The following GPM6A variants were observed in gnomAD, a reference collection of about 807,000 sequenced individuals.
GPM6A encodes the protein neuronal membrane glycoprotein M6-a.
A neutral mutation model predicts 32.1 loss-of-function variants in GPM6A; 7 were observed. The ratio of observed to expected loss-of-function variants is 0.22; its 90% CI spans 0.12 to 0.41. The LOEUF is 0.41. Among genes scored for constraint, GPM6A ranks in the 10% least tolerant of loss-of-function variants. The pLI is 1.00. For missense variants in GPM6A, 235 were observed against 347.2 expected (o/e 0.68, Z 2.57); for synonymous variants, 130 against 123.4 (o/e 1.05, Z -0.35).
intron 1 of GPM6A, among the ~76,000 whole-genome samples, chr4:175,751,983 A>C (rs190069866): frequency 2.0e-5 from 3 of 152,236 alleles, no homozygotes. Context: ...AACAGGAGTC[A>C]ATTGATGTTA....
intron 1 of GPM6A, among the ~76,000 whole-genome samples, chr4:175,980,116 T>A (rs1234442977): frequency 1.3e-5 from 2 of 152,170 alleles, no homozygotes; most frequent in Non-Finnish European, 2.9e-5. Flanking sequence ...AAGCAGCAGT[T>A]TGGGGGGCTC....
At chr4:175,847,386 T>C (rs572112199) in intron 1 of GPM6A, among the ~76,000 whole-genome samples, 1 of 152,304 alleles carries the variant, frequency 6.6e-6, no homozygotes, top group South Asian at 2.1e-4. Flanking sequence ...TCATAAGTTT[T>C]AAATCGTGCT....
At chr4:175,794,839 A>G (rs1734155082) in intron 1 of GPM6A, among the ~76,000 whole-genome samples, 1 of 2,256 alleles carries the variant, frequency 4.4e-4, no homozygotes. Flanking sequence ...GCTTTGGGCC[A>G]TATTATAAGG....
chr4:175,699,339 T>C (rs959501550), intron 2 of GPM6A, among the ~76,000 whole-genome samples: 1 of 152,198 alleles, frequency 6.6e-6, no homozygotes, highest in Non-Finnish European at 1.5e-5. Flanking sequence ...AAGGCATTGA[T>C]AGCTATTGAA....
chr4:175,813,983 GAGAGA>G (rs911321904), upstream of GPM6A, among the ~76,000 whole-genome samples: 1 of 135,426 alleles, frequency 7.4e-6, no homozygotes, highest in African/African-American at 3.8e-5. Context: ...CACAGATTGA[GAGAGA>G]GAAACCATAA....
Position 175,842,594 on chromosome 4 carries a change from A to T in GPM6A, c.-22-30345T>A, listed in dbSNP as rs1579559767. Among the ~76,000 whole-genome samples the T allele has an allele frequency of 2.0e-5, 3 of 152,050 alleles. No individual in the cohort carries two copies. In the South Asian group the frequency reaches 6.2e-4, roughly 31 times the overall value. ...AAATTAGCTGAACATGGTGACACAC[A>T]CCTCCAGCCACCCTGAAGGCTGAGC... On this transcript the variant is annotated intron_variant, in intron 1 of 7. Coordinates refer to the GPM6A transcript ENST00000280187.
intron 3 of GPM6A, among the ~76,000 whole-genome samples, chr4:175,671,636 G>T (rs1743075452): frequency 6.6e-6 from 1 of 152,136 alleles, no homozygotes; most frequent in Non-Finnish European, 1.5e-5. Context: ...AGGAATGGTT[G>T]GCAGAGGGGA....
chr4:175,842,733 A>C (rs990556938), intron 1 of GPM6A, among the ~76,000 whole-genome samples: 4 of 152,154 alleles, frequency 2.6e-5, no homozygotes, highest in African/African-American at 9.6e-5. Context: ...GAATAAACAT[A>C]GTTCTTTACA....
chr4:175,871,336 A>T (rs1199684948), intron 1 of GPM6A, among the ~76,000 whole-genome samples: 1 of 151,954 alleles, frequency 6.6e-6, no homozygotes, highest in Non-Finnish European at 1.5e-5. Flanking sequence ...CGGATGTGGT[A>T]GTGGATGCCT....
chr4:175,931,705 CACACATAT>C (rs1353665304), intron 1 of GPM6A, among the ~76,000 whole-genome samples: 3 of 139,248 alleles, frequency 2.2e-5, no homozygotes, highest in East Asian at 4.3e-4. Context: ...CACACACACA[CACACATAT>C]ATATATATAT....
chr4:175,721,057 C>T (rs1746099608), intron 1 of GPM6A, among the ~76,000 whole-genome samples: 4 of 126,670 alleles, frequency 3.2e-5, no homozygotes, highest in Admixed American at 8.5e-5. Context: ...TATATATGTA[C>T]TAGTATATAT....
intron 1 of GPM6A, among the ~76,000 whole-genome samples, chr4:175,713,904 C>T (rs1745691404): frequency 1.3e-5 from 2 of 152,110 alleles, no homozygotes; most frequent in Non-Finnish European, 2.9e-5. Flanking sequence ...TATCTTTTCT[C>T]TCCAATTTCC....
intron 1 of GPM6A, among the ~76,000 whole-genome samples, chr4:175,734,155 TATA>T (rs371207102): frequency 0.22 from 30,652 of 136,710 alleles, 3,400 homozygotes; most frequent in East Asian, 0.37. Flanking sequence ...TATATATATA[TATA>T]TATTTTTTAA....
At position 175,984,459 on chromosome 4, in the gene GPM6A, A is replaced by G. The variant is rs536266634; in HGVS notation, c.-23+17850T>C. ...ATAACAGGCATGAGCCACCGCGCCC[A>G]GCCCTCTCCTGTTCTTTTATTTGCT... On this transcript the variant is annotated intron_variant, in intron 1 of 7. Transcript: ENST00000280187. Among the ~76,000 whole-genome samples the G allele has an allele frequency of 9.2e-5, 14 of 152,184 alleles. 1 individual carries two copies. The South Asian group carries it at 1.0e-3, about 11-fold the overall frequency.
At chr4:175,755,322 C>A (rs1413570256) in intron 1 of GPM6A, among the ~76,000 whole-genome samples, 1 of 152,028 alleles carries the variant, frequency 6.6e-6, no homozygotes. Flanking sequence ...AAAATAACTT[C>A]TATTTTCTTC....
At chr4:175,637,173 T>C (rs1740694938) in intron 6 of GPM6A, among the ~76,000 whole-genome samples, 1 of 90,980 alleles carries the variant, frequency 1.1e-5, no homozygotes, top group East Asian at 3.3e-4. Context: ...TAATATATCA[T>C]ATATGTGACA....
In GPM6A at chr4:175,651,094, T is replaced by C. The variant is rs7659202; in HGVS notation, c.541+740A>G. Among the ~76,000 whole-genome samples, 1,131 of 152,236 alleles carry C rather than the reference T, an allele frequency of 7.4e-3. 9 individuals carry two copies. Among genetic ancestry groups the C allele is most frequent in the African/African-American group, 0.025 (1,029 of 41,554 alleles). On this transcript the variant is annotated intron_variant, in intron 4 of 6. Coordinates refer to ENST00000393658, the MANE Select transcript of GPM6A (RefSeq NM_201591.3). Reference sequence around the variant, plus strand: ...CCTCTGATTCAACCTGCGTTGCCCGTGTTTGAATCCTATCTCTGTCAGTTG... The same window carrying C: ...CCTCTGATTCAACCTGCGTTGCCCGCGTTTGAATCCTATCTCTGTCAGTTG...
At chr4:176,000,023 G>T (rs930322930) in intron 1 of GPM6A, among the ~76,000 whole-genome samples, 2 of 152,004 alleles carry the variant, frequency 1.3e-5, no homozygotes, top group African/African-American at 4.8e-5. Context: ...CCTCTTATTG[G>T]CTCTTCCTAG....
At chr4:175,974,883 T>C (rs1290887942) in intron 1 of GPM6A, among the ~76,000 whole-genome samples, 1 of 152,036 alleles carries the variant, frequency 6.6e-6, no homozygotes, top group African/African-American at 2.4e-5. Context: ...GGGGTCTCCC[T>C]ATATTGCCCA....
Sources: allele counts gnomAD v4.1 joint callset (sites outside exome capture counted in the v4.1 genomes callset), GRCh38; gene constraint gnomAD v4.1.1; transcripts MANE v1.5; gene names NCBI Gene and HGNC (gene_info 2026-07-23, HGNC 2026-07-21).